The following TAS2R8 variants were observed in gnomAD, a reference collection of about 807,000 sequenced individuals.
TAS2R8 encodes the protein taste receptor type 2 member 8.
For missense variants in TAS2R8, 396 were observed against 358.1 expected, an observed-to-expected ratio of 1.11 and a Z score of -0.85; for synonymous variants, 139 against 123.9, an observed-to-expected ratio of 1.12 and a Z score of -0.81.
At position 10,806,592 on chromosome 12, in the gene TAS2R8, A is replaced by G; in HGVS notation, c.389T>C (p.Val130Ala). The change falls in exon 1 of 1, where the codon GTG (valine) becomes GCG (alanine). Residue 130 changes from valine to alanine, a missense_variant. Transcript: ENST00000240615. The stretch of plus-strand genomic sequence containing the variant: ...AAAGCATCCCAGCAGGATCCAGTGC[A>G]CCACCATATCAATTTTCCACTTCAG... ...LWLKWKIDMV[V>A]HWILLGCFAI... is the part of the protein sequence containing the mutation. 6.2e-7 allele frequency: 1 copy of G among 1,613,974 alleles called. No individual in the cohort carries two copies. The highest frequency in any genetic ancestry group is 1.3e-5 in the African/African-American group (1 of 75,066).
In TAS2R8 at chr12:10,807,179, C is replaced by T; in HGVS notation, c.-199G>A. The T allele has an allele frequency of 2.0e-6, 1 of 503,750 alleles. No homozygotes were observed. 31.2% of individuals were successfully genotyped at this position (503,750 alleles called of 1,614,324 possible). The stretch of plus-strand genomic sequence containing the variant: ...TGTCTCTACACTCCTGAAGATGAAA[C>T]CAACTAATGAGCAGCTTGACTAGTT... On this transcript the variant is annotated 5_prime_UTR_variant, in exon 1 of 1. Coordinates refer to ENST00000240615, the MANE Select transcript of TAS2R8 (RefSeq NM_023918.3).
In TAS2R8 at chr12:10,807,035, AG is replaced by A; in HGVS notation, c.-56del. 3.6e-6 allele frequency: 5 copies of A among 1,386,350 alleles called. No homozygotes were observed. The highest frequency in any genetic ancestry group is 1.4e-5 in the African/African-American group (1 of 69,314). 85.9% of individuals were successfully genotyped at this position (1,386,350 alleles called of 1,614,324 possible). A position where few individuals can be genotyped will look rare whatever the true frequency, so the allele number is the denominator to read the frequency against. On this transcript the variant is annotated 5_prime_UTR_variant, in exon 1 of 1. The change creates a premature stop within an existing upstream ORF in the 5' untranslated region. Coordinates refer to ENST00000240615, the MANE Select transcript of TAS2R8 (RefSeq NM_023918.3). ...TATCACTGTAGATGAGCTAATTTAC[AG>A]GTGACCTGTTAAAGCATGATAGATC...
In TAS2R8 at chr12:10,807,264, G is replaced by T; in HGVS notation, c.-284C>A. Reference sequence around the variant, plus strand: ...TTAGTGAGTGATACCTGAAATGTTTGGCTGAAATTGCTCCCATGCAAATTC... The same window carrying T: ...TTAGTGAGTGATACCTGAAATGTTTTGCTGAAATTGCTCCCATGCAAATTC... On this transcript the variant is annotated 5_prime_UTR_variant, in exon 1 of 1. Transcript: ENST00000240615. 1 of 300,652 alleles carries T rather than the reference G, an allele frequency of 3.3e-6. No homozygotes were observed. Among genetic ancestry groups the T allele is most frequent in the Admixed American group, 4.7e-5 (1 of 21,244 alleles). 18.6% of individuals were successfully genotyped at this position (300,652 alleles called of 1,614,324 possible).
rs750307078 is a variant in TAS2R8, at chr12:10,806,389, G to C, written c.592C>G (p.Leu198Val). 1 of 1,613,824 alleles carries C rather than the reference G, an allele frequency of 6.2e-7. No individual in the cohort carries two copies. The highest frequency in any genetic ancestry group is 1.1e-5 in the South Asian group (1 of 91,078). The part of the protein sequence containing the change: ...LFAIVPFIVS[L>V]ISFFLLVRSL... ...CTTACTAAAAGGAAAAATGATATCA[G>C]TGACACAATAAATGGGACAATTGCA... Residue 198 changes from leucine (L) to valine (V), a missense_variant, in exon 1 of 1, where the codon CTG becomes GTG. By Grantham distance (32) the Leu-to-Val change is conservative (BLOSUM62 1). Transcript: ENST00000240615.
rs749167196 is a variant in TAS2R8 at position 10,806,794 on chromosome 12, C to T, written c.187G>A (p.Val63Ile). The T allele has an allele frequency of 3.1e-6, 5 of 1,613,888 alleles. No individual in the cohort carries two copies. Among genetic ancestry groups the T allele is most frequent in the Non-Finnish European group, 4.2e-6 (5 of 1,179,892 alleles). ...AGTACTATTACAATGCCATTTACAA[C>T]CATTACACTGATCAAACAAATTCTG... Reference protein sequence around the residue: ...IARICLISVMVVNGIVIVLNP... With the variant: ...IARICLISVMIVNGIVIVLNP... Residue 63 changes from valine (V) to isoleucine (I), a missense_variant, in exon 1 of 1, where the codon GTT becomes ATT. Val to Ile is a conservative substitution (Grantham distance 29). Coordinates refer to ENST00000240615, the MANE Select transcript of TAS2R8 (RefSeq NM_023918.3).
In TAS2R8 at chr12:10,807,137, C is replaced by A; in HGVS notation, c.-157G>T. ...GTTATTCTTCCGGAAGTGTTCAGCT[C>A]TCCTCTGAAATAGGATTGTCTCTAC... On this transcript the variant is annotated 5_prime_UTR_variant, in exon 1 of 1. Coordinates refer to ENST00000240615, the MANE Select transcript of TAS2R8 (RefSeq NM_023918.3). 3.1e-6 allele frequency: 2 copies of A among 647,754 alleles called. No homozygotes were observed. Among genetic ancestry groups the A allele is most frequent in the South Asian group, 4.3e-5 (2 of 46,322 alleles). The allele number at this position is 647,754 out of a possible 1,614,324, so 40.1% of individuals were successfully genotyped here.
At chr12:10,806,714 C>T in the TAS2R8 span, 2 of 1,613,836 alleles carry the variant, frequency 1.2e-6, no homozygotes, top group Non-Finnish European at 1.7e-6. Flanking sequence ...TGGCAAATGT[C>T]CAGAAGGTAA....
At position 10,807,013 on chromosome 12, in the gene TAS2R8, C is replaced by A; in HGVS notation, c.-33G>T. 6.6e-7 allele frequency: 1 copy of A among 1,520,852 alleles called. No homozygotes were observed. Among genetic ancestry groups the A allele is most frequent in the South Asian group, 1.3e-5 (1 of 79,454 alleles). The allele number at this position is 1,520,852 out of a possible 1,614,324, so 94.2% of individuals were successfully genotyped here. A position where few individuals can be genotyped will look rare whatever the true frequency, so the allele number is the denominator to read the frequency against. On this transcript the variant is annotated 5_prime_UTR_variant, in exon 1 of 1. Transcript: ENST00000240615. ...GAGAGAACAATCTGATTTCAAATAT[C>A]ACTGTAGATGAGCTAATTTACAGGT...
chr12:10,807,271 A>G lies in TAS2R8; in HGVS notation c.-291T>C, dbSNP rs557879680. On this transcript the variant is annotated 5_prime_UTR_variant, in exon 1 of 1. Coordinates refer to ENST00000240615, the MANE Select transcript of TAS2R8 (RefSeq NM_023918.3). ...GTGATACCTGAAATGTTTGGCTGAA[A>G]TTGCTCCCATGCAAATTCAAAGAGA... 114 of 290,032 alleles carry G rather than the reference A, an allele frequency of 3.9e-4. No individual in the cohort carries two copies. The highest frequency in any genetic ancestry group is 2.4e-3 in the African/African-American group (112 of 46,156). 18.0% of individuals were successfully genotyped at this position (290,032 alleles called of 1,614,324 possible).
At position 10,807,211 on chromosome 12, in the gene TAS2R8, A is replaced by T; in HGVS notation, c.-231T>A. The T allele has an allele frequency of 2.3e-6, 1 of 443,958 alleles. No individual in the cohort carries two copies. 27.5% of individuals were successfully genotyped at this position (443,958 alleles called of 1,614,324 possible). On this transcript the variant is annotated 5_prime_UTR_variant, in exon 1 of 1. Coordinates refer to ENST00000240615, the MANE Select transcript of TAS2R8 (RefSeq NM_023918.3). ...ATGAGCAGCTTGACTAGTTATTTAT[A>T]GCCTGGAAAAATTATAATTATTATC...
Position 10,807,236 on chromosome 12 carries a change from C to T in TAS2R8, c.-256G>A. On this transcript the variant is annotated 5_prime_UTR_variant, in exon 1 of 1. Coordinates refer to ENST00000240615, the MANE Select transcript of TAS2R8 (RefSeq NM_023918.3). ...AGCCTGGAAAAATTATAATTATTAT[C>T]CTTTAGTGAGTGATACCTGAAATGT... The T allele has an allele frequency of 2.6e-6, 1 of 384,602 alleles. No individual in the cohort carries two copies. Among genetic ancestry groups the T allele is most frequent in the Non-Finnish European group, 4.6e-6 (1 of 216,454 alleles). 23.8% of individuals were successfully genotyped at this position (384,602 alleles called of 1,614,324 possible). A position where few individuals can be genotyped will look rare whatever the true frequency, so the allele number is the denominator to read the frequency against.
rs776855827 is a variant in TAS2R8 at position 10,806,822 on chromosome 12, G to A, written c.159C>T (p.Ile53=). 3.9e-5 allele frequency: 63 copies of A among 1,613,708 alleles called. No individual in the cohort carries two copies. The highest frequency in any genetic ancestry group is 5.3e-5 in the African/African-American group (4 of 74,906). Residue 53 remains isoleucine, a synonymous_variant, in exon 1 of 1, where the codon ATC becomes ATT. Coordinates refer to ENST00000240615, the MANE Select transcript of TAS2R8 (RefSeq NM_023918.3). ...TTACACTGATCAAACAAATTCTGGC[G>A]ATAACTAAATTGGTAAGGATGTAGT... ...TVDYILTNLV[I]ARICLISVMV... is the part of the protein sequence containing the mutation.
In TAS2R8 at chr12:10,806,713, T is replaced by G. The variant is rs769657452; in HGVS notation, c.268A>C (p.Thr90Pro). The G allele has an allele frequency of 1.9e-6, 3 of 1,613,934 alleles. No individual in the cohort carries two copies. Among genetic ancestry groups the G allele is most frequent in the Non-Finnish European group, 1.7e-6 (2 of 1,179,900 alleles). Residue 90 changes from threonine to proline, a missense_variant, in exon 1 of 1, where the codon ACA (threonine) becomes CCA (proline). Physicochemically the swap from Thr to Pro is conservative, Grantham distance 38 (BLOSUM62 -1). Coordinates refer to ENST00000240615, the MANE Select transcript of TAS2R8 (RefSeq NM_023918.3). ...CACATATTTAAGTAGTTGGCAAATG[T>G]CCAGAAGGTAAAAATGACTATCTGT... ...KQQIVIFTFWTFANYLNMWIT... is the reference protein window; with the variant it reads ...KQQIVIFTFWPFANYLNMWIT...
Position 10,806,961 on chromosome 12 carries a change from T to C in TAS2R8, c.20A>G (p.Asn7Ser), listed in dbSNP as rs760431312. The change falls in exon 1 of 1, where the codon AAC (asparagine) becomes AGC (serine). Residue 7 changes from asparagine to serine, a missense_variant. By Grantham distance (46) the Asn-to-Ser change is conservative. Coordinates refer to ENST00000240615, the MANE Select transcript of TAS2R8 (RefSeq NM_023918.3). Reference protein sequence around the residue: MFSPADNIFIILITGEF... With the variant: MFSPADSIFIILITGEF... The stretch of plus-strand genomic sequence containing the variant: ...TCCAGTTATTAGGATTATAAAGATG[T>C]TATCTGCAGGACTGAACATGTTTGT... 1.2e-6 allele frequency: 2 copies of C among 1,607,494 alleles called. No homozygotes were observed. The highest frequency in any genetic ancestry group is 2.2e-5 in the East Asian group (1 of 44,830).
Position 10,806,743 on chromosome 12 carries a change from T to C in TAS2R8, c.238A>G (p.Lys80Glu). The C allele has an allele frequency of 1.2e-6, 2 of 1,613,934 alleles. No individual in the cohort carries two copies. The highest frequency in any genetic ancestry group is 1.7e-6 in the Non-Finnish European group (2 of 1,179,914). The change falls in exon 1 of 1, where the codon AAA becomes GAA. Residue 80 changes from lysine to glutamate, a missense_variant. Coordinates refer to ENST00000240615, the MANE Select transcript of TAS2R8 (RefSeq NM_023918.3). ...VLNPDVYTKNKQQIVIFTFWT... is the reference protein window; with the variant it reads ...VLNPDVYTKNEQQIVIFTFWT... ...AAGGTAAAAATGACTATCTGTTGTT[T>C]ATTTTTTGTATAAACATCTGGGTTC...
Position 10,806,772 on chromosome 12 carries a change from A to T in TAS2R8, c.209T>A (p.Val70Glu). The T allele has an allele frequency of 6.2e-7, 1 of 1,613,930 alleles. No homozygotes were observed. The highest frequency in any genetic ancestry group is 8.5e-7 in the Non-Finnish European group (1 of 1,179,902). The change falls in exon 1 of 1, where the codon GTA becomes GAA. Residue 70 changes from valine to glutamate, a missense_variant. Val to Glu is a moderately radical substitution (Grantham distance 121). Coordinates refer to ENST00000240615, the MANE Select transcript of TAS2R8 (RefSeq NM_023918.3). ...TTTTGTATAAACATCTGGGTTCAGT[A>T]CTATTACAATGCCATTTACAACCAT... ...SVMVVNGIVIVLNPDVYTKNK... is the reference protein window; with the variant it reads ...SVMVVNGIVIELNPDVYTKNK...
Position 10,806,236 on chromosome 12 carries a change from T to G in TAS2R8, c.745A>C (p.Ile249Leu). Residue 249 changes from isoleucine (I) to leucine (L), a missense_variant, in exon 1 of 1, where the codon ATT (isoleucine) becomes CTT (leucine). Coordinates refer to ENST00000240615, the MANE Select transcript of TAS2R8 (RefSeq NM_023918.3). ...CTAAAGGTCATCAAAATAGAAGAAA[T>G]ATAGTATAGGAAAAAAAAGAAGATA... is the stretch of plus-strand genomic sequence containing the variant. ...SFIFFFFLYY[I>L]SSILMTFSYL... is the part of the protein sequence containing the mutation. 4 of 1,613,006 alleles carry G rather than the reference T, an allele frequency of 2.5e-6. No individual in the cohort carries two copies. The highest frequency in any genetic ancestry group is 3.4e-6 in the Non-Finnish European group (4 of 1,179,642).
rs751780078 is a variant in TAS2R8, at chr12:10,806,664, A to T, written c.317T>A (p.Phe106Tyr). The T allele has an allele frequency of 1.2e-6, 2 of 1,613,974 alleles. No individual in the cohort carries two copies. Among genetic ancestry groups the T allele is most frequent in the East Asian group, 4.5e-5 (2 of 44,868 alleles). Residue 106 changes from phenylalanine (F) to tyrosine (Y), a missense_variant, in exon 1 of 1, where the codon TTC (phenylalanine) becomes TAC (tyrosine). By Grantham distance (22) the Phe-to-Tyr change is conservative (BLOSUM62 3). Transcript: ENST00000240615. ...GGAACTGGCTATCTTCAGAAAATAG[A>T]AGACATTAAGGCAGGTGGTAATCCA... ...NMWITTCLNV[F>Y]YFLKIASSSH...
At position 10,806,082 on chromosome 12, in the gene TAS2R8, A is replaced by C. The variant is rs1948720075; in HGVS notation, c.899T>G (p.Leu300Arg). The C allele has an allele frequency of 1.9e-6, 3 of 1,604,602 alleles. No homozygotes were observed. The East Asian group carries it at 6.7e-5, about 36-fold the overall frequency. The part of the protein sequence containing the change: ...NKLRQTFVRM[L>R]TCRKIACMI ...CATGCAGGCAATTTTTCTACATGTC[A>C]GCATTCTGACAAATGTCTGCCTCAG... Residue 300 changes from leucine (L) to arginine (R), a missense_variant, in exon 1 of 1, where the codon CTG (leucine) becomes CGG (arginine). Leu to Arg is a moderately radical substitution (Grantham distance 102, BLOSUM62 -2). Transcript: ENST00000240615.
Sources: allele counts gnomAD v4.1 joint callset, GRCh38; gene constraint gnomAD v4.1.1; transcripts MANE v1.5; gene names NCBI Gene and HGNC (gene_info 2026-07-23, HGNC 2026-07-21).